DNAH17: variants seen among roughly 807,000 people sequenced by gnomAD.
DNAH17 encodes the protein axonemal beta dynein heavy chain 17.
DNAH17 carries 376 observed loss-of-function variants against 485.6 expected under a neutral mutation model. The ratio of observed to expected loss-of-function variants is 0.77; its 90% CI spans 0.71 to 0.84. The LOEUF (loss-of-function observed/expected upper bound fraction) is 0.84. Ranked by LOEUF, DNAH17 falls within the 40% of genes least tolerant of loss-of-function variation. The pLI is 0.00. For missense variants in DNAH17, 6,370 were observed against 5,839.3 expected, an observed-to-expected ratio of 1.09 and a Z score of -2.96; for synonymous variants, 3,031 against 2,405.9, an observed-to-expected ratio of 1.26 and a Z score of -7.60.
chr17:78,576,905 G>A (rs906023195), intron 1 of DNAH17, among the ~76,000 whole-genome samples: 2 of 152,208 alleles, frequency 1.3e-5, no homozygotes, highest in East Asian at 3.9e-4. Flanking sequence ...AAGGCCAGGA[G>A]GTCCCAGTTA....
intron 30 of DNAH17, among the ~76,000 whole-genome samples, chr17:78,506,267 G>A (rs538098111): frequency 1.1e-4 from 16 of 150,608 alleles, no homozygotes; most frequent in African/African-American, 3.4e-4. Context: ...ACAGCCTCCT[G>A]AGTAGCTGGG....
At chr17:78,515,130 G>A (rs2090747557) in intron 25 of DNAH17, 108 bp from the exon 26 acceptor site, 4 of 1,275,604 alleles carry the variant, frequency 3.1e-6, no homozygotes, top group Non-Finnish European at 4.3e-6. Flanking sequence ...GCCCAGTGAG[G>A]AATATTTAGA....
At chr17:78,505,686 G>T (rs1424568863) in intron 30 of DNAH17, among the ~76,000 whole-genome samples, 4 of 152,204 alleles carry the variant, frequency 2.6e-5, no homozygotes, top group African/African-American at 9.6e-5. Context: ...CATTCTGGAA[G>T]ATTTCTTTTT....
At position 78,514,994 on chromosome 17, in the gene DNAH17, G is replaced by A. The variant is rs2143129697; in HGVS notation, c.3893C>T (p.Thr1298Ile). ...VVNTSIEDWK[T>I]TKWKDINVEQ... ...AACGTTGATATCTTTCCACTTGGTG[G>A]TCTTCCAGTCCTCGATGCTGGTATT... The change falls in exon 26 of 81, where the codon ACC becomes ATC. Residue 1298 changes from threonine to isoleucine, a missense_variant. By Grantham distance (89) the Thr-to-Ile change is moderately conservative. Coordinates refer to ENST00000389840, the MANE Select transcript of DNAH17 (RefSeq NM_173628.4). 4 of 1,613,970 alleles carry A rather than the reference G, an allele frequency of 2.5e-6. No individual in the cohort carries two copies. Among genetic ancestry groups the A allele is most frequent in the Non-Finnish European group, 3.4e-6 (4 of 1,179,888 alleles).
At position 78,460,144 on chromosome 17, in the gene DNAH17, C is replaced by T. The variant is rs750134569; in HGVS notation, c.9435+18G>A. The T allele has an allele frequency of 7.5e-6, 12 of 1,593,142 alleles. No individual in the cohort carries two copies. The South Asian group carries it at 1.2e-4, about 16-fold the overall frequency. On this transcript the variant is annotated intron_variant, in intron 59 of 80. Coordinates refer to ENST00000389840, the MANE Select transcript of DNAH17 (RefSeq NM_173628.4). ...TCCAACCAGGCCAGGGGTCCCCTTT[C>T]TTTCCCTCCCCCTTTACCTTATTCA...
intron 62 of DNAH17, among the ~76,000 whole-genome samples, chr17:78,456,152 A>T (rs1428163636): frequency 6.6e-6 from 1 of 151,890 alleles, no homozygotes; most frequent in Non-Finnish European, 1.5e-5. Flanking sequence ...TACAAAAATT[A>T]GCCAGGCGTG....
rs748964876 is a variant in DNAH17, at chr17:78,532,743, G to A, written c.2860-7C>T. On this transcript the variant is annotated splice_polypyrimidine_tract_variant and splice_region_variant and intron_variant, in intron 19 of 80. Coordinates refer to ENST00000389840, the MANE Select transcript of DNAH17 (RefSeq NM_173628.4). ...TGTTATCTTCCAGGTCCATCTGAAA[G>A]GGGCAGGGGAGAAGCAAAAAGGGGA... 1.3e-6 allele frequency: 2 copies of A among 1,582,502 alleles called. No individual in the cohort carries two copies. Among genetic ancestry groups the A allele is most frequent in the Non-Finnish European group, 1.7e-6 (2 of 1,162,310 alleles).
chr17:78,571,494 A>G lies in DNAH17; in HGVS notation c.732+96T>C. The G allele has an allele frequency of 2.0e-6, 3 of 1,514,946 alleles. No homozygotes were observed. In the East Asian group the frequency reaches 6.8e-5, roughly 34 times the overall value. 93.8% of individuals were successfully genotyped at this position (1,514,946 alleles called of 1,614,324 possible). On this transcript the variant is annotated intron_variant, in intron 4 of 80. Coordinates refer to ENST00000389840, the MANE Select transcript of DNAH17 (RefSeq NM_173628.4). ...ATTTACGCAGGTCATCAGAGCCCTC[A>G]GGACTCCTGGGAGGTTGGCACTGGG... is the stretch of plus-strand genomic sequence containing the variant.
Position 78,571,005 on chromosome 17 carries a change from G to A in DNAH17, c.861C>T (p.Leu287=). Reference sequence around the variant, plus strand: ...GCAGGATCCGTAGGGGCTTCAAATAGAGCACGATGTCGTTGGCTTCCTTCA... The same window carrying A: ...GCAGGATCCGTAGGGGCTTCAAATAAAGCACGATGTCGTTGGCTTCCTTCA... The part of the protein sequence containing the change: ...EGLKEANDIV[L]YLKPLRILLE... Residue 287 remains leucine (L), a synonymous_variant, in exon 6 of 81, where the codon CTC becomes CTT. Coordinates refer to ENST00000389840, the MANE Select transcript of DNAH17 (RefSeq NM_173628.4). The A allele has an allele frequency of 6.3e-7, 1 of 1,579,872 alleles. No individual in the cohort carries two copies. Among genetic ancestry groups the A allele is most frequent in the South Asian group, 1.2e-5 (1 of 86,092 alleles).
At chr17:78,503,794 C>T (rs111825417) in intron 31 of DNAH17, among the ~76,000 whole-genome samples, 4,062 of 151,922 alleles carry the variant, frequency 0.027, 182 homozygotes, top group African/African-American at 0.092. Context: ...GGTGAAAACC[C>T]GTCTCTACTA....
chr17:78,426,359 T>G lies in DNAH17; in HGVS notation c.12915+98A>C, dbSNP rs2086460048. 4 of 1,386,748 alleles carry G rather than the reference T, an allele frequency of 2.9e-6. No individual in the cohort carries two copies. In the South Asian group the frequency reaches 4.9e-5, roughly 17 times the overall value. The allele number at this position is 1,386,748 out of a possible 1,614,324, so 85.9% of individuals were successfully genotyped here. A position where few individuals can be genotyped will look rare whatever the true frequency, so the allele number is the denominator to read the frequency against. On this transcript the variant is annotated intron_variant, in intron 79 of 80. Transcript: ENST00000389840. ...AGAGGACAGGCCCCCAGGAGCCTCC[T>G]GGCCATGCTCCTGCAGGCTCTAGGG...
rs1327398734 is a variant in DNAH17, at chr17:78,450,413, G to A, written c.10900-19C>T. On this transcript the variant is annotated intron_variant, in intron 67 of 80. Coordinates refer to ENST00000389840, the MANE Select transcript of DNAH17 (RefSeq NM_173628.4). Reference sequence around the variant, plus strand: ...CCACCACCTCGACACAAACAAAAGGGGTGTGAATGACACAGCAGATGGGCA... The same window carrying A: ...CCACCACCTCGACACAAACAAAAGGAGTGTGAATGACACAGCAGATGGGCA... 6 of 1,613,164 alleles carry A rather than the reference G, an allele frequency of 3.7e-6. No homozygotes were observed. The highest frequency in any genetic ancestry group is 5.1e-6 in the Non-Finnish European group (6 of 1,179,654).
At chr17:78,434,742 A>G (rs937284729) in intron 74 of DNAH17, among the ~76,000 whole-genome samples, 1 of 152,114 alleles carries the variant, frequency 6.6e-6, no homozygotes, top group South Asian at 2.1e-4. Flanking sequence ...CTGAGCCTAA[A>G]TTGTGACTCC....
intron 56 of DNAH17, 89 bp from the exon 57 acceptor site, chr17:78,463,166 C>G: frequency 7.9e-7 from 1 of 1,263,874 alleles, no homozygotes; most frequent in Non-Finnish European, 1.1e-6. Flanking sequence ...GGGCCCTGGA[C>G]AAGGTGCCCT....
chr17:78,565,865 G>A (rs555473503), intron 11 of DNAH17, among the ~76,000 whole-genome samples: 4 of 152,214 alleles, frequency 2.6e-5, no homozygotes, highest in Non-Finnish European at 4.4e-5. Flanking sequence ...CAGGAGAATC[G>A]TTTGAACCCG....
At chr17:78,520,113 A>AG in intron 25 of DNAH17, among the ~76,000 whole-genome samples, 3 of 114,862 alleles carry the variant, frequency 2.6e-5, no homozygotes, top group African/African-American at 1.0e-4. Context: ...CTCTGTTTCA[A>AG]GAAAAAAAAA....
intron 17 of DNAH17, among the ~76,000 whole-genome samples, chr17:78,543,287 G>GTT (rs56885468): frequency 2.9e-5 from 4 of 139,228 alleles, no homozygotes; most frequent in African/African-American, 8.2e-5. Flanking sequence ...GTTAATTTTT[G>GTT]TTTTTTTTTT....
intron 25 of DNAH17, among the ~76,000 whole-genome samples, chr17:78,517,272 G>A (rs1046845614): frequency 1.3e-5 from 2 of 152,186 alleles, no homozygotes; most frequent in Admixed American, 6.5e-5. Flanking sequence ...TCAAACTCCC[G>A]GCCTCAAGTG....
At chr17:78,451,051 C>A (rs942095480) in intron 66 of DNAH17, among the ~76,000 whole-genome samples, 1 of 152,212 alleles carries the variant, frequency 6.6e-6, no homozygotes, top group South Asian at 2.1e-4. Flanking sequence ...GGCTTCCTGT[C>A]ACGGAGACTG....
Sources: allele counts gnomAD v4.1 joint callset (sites outside exome capture counted in the v4.1 genomes callset), GRCh38; gene constraint gnomAD v4.1.1; transcripts MANE v1.5; gene names NCBI Gene and HGNC (gene_info 2026-07-23, HGNC 2026-07-21).